Variants in GTPBP1 observed in about 807,000 individuals in gnomAD.
GTPBP1 encodes the protein GTP-binding protein 1.
In GTPBP1, 23 loss-of-function variants were observed where a neutral mutation model predicts 62.0. That is an observed-to-expected ratio of 0.37 (90% CI 0.27 to 0.53). The LOEUF (loss-of-function observed/expected upper bound fraction) is 0.53. GTPBP1 is among the 20% of genes least tolerant of loss of function. The probability of loss-of-function intolerance (pLI) is 0.89; values close to 1 mark genes in which losing one functional copy is unlikely to be tolerated. For synonymous variants in GTPBP1, 344 were observed against 364.4 expected (o/e 0.94, Z 0.64); for missense variants, 640 against 917.3 (o/e 0.70, Z 3.90).
downstream of GTPBP1, chr22:38,741,628 A>C: frequency 5.7e-5 from 85 of 1,501,474 alleles, no homozygotes; most frequent in Non-Finnish European, 7.1e-5. Context: ...AGGGACCCTC[A>C]TGACTAGGAA....
Position 38,721,783 on chromosome 22 carries a change from C to T in GTPBP1, c.876C>T (p.His292=). 1 of 1,613,046 alleles carries T rather than the reference C, an allele frequency of 6.2e-7. No homozygotes were observed. The highest frequency in any genetic ancestry group is 8.5e-7 in the Non-Finnish European group (1 of 1,179,132). ...GCATCGTGGGGATGACCAAAGAACA[C>T]CTGGGCTTGGCACTGGCACTCAATG... ...NAGIVGMTKE[H]LGLALALNVP... The change falls in exon 5 of 12, where the codon CAC becomes CAT. Residue 292 remains histidine, a synonymous_variant. Transcript: ENST00000216044.
downstream of GTPBP1, chr22:38,742,171 G>T: frequency 3.4e-6 from 4 of 1,168,634 alleles, no homozygotes; most frequent in Non-Finnish European, 4.7e-6. Context: ...GAAAAAAAGA[G>T]AAAGGGAGTA....
rs578072997 is a variant in GTPBP1 at position 38,727,430 on chromosome 22, A to G, written c.1537+82A>G. 8.9e-6 allele frequency: 12 copies of G among 1,351,112 alleles called. 1 individual carries two copies. In the South Asian group the frequency reaches 1.8e-4, roughly 21 times the overall value. The allele number at this position is 1,351,112 out of a possible 1,614,324, so 83.7% of individuals were successfully genotyped here. ...GGTGTTCCAGCAACCCAGGCCCCCT[A>G]GTTCCAGCTGCAGCTGGGTGGTAGG... On this transcript the variant is annotated intron_variant, in intron 9 of 11. Transcript: ENST00000216044. The surrounding 1 kb of genome is among the most constrained non-coding windows in gnomAD (Gnocchi z 6.5).
chr22:38,730,258 C>A lies in GTPBP1; in HGVS notation c.1918-354C>A, dbSNP rs1468365518. Among the ~76,000 whole-genome samples the A allele has an allele frequency of 6.6e-6, 1 of 152,240 alleles. No homozygotes were observed. Among genetic ancestry groups the A allele is most frequent in the East Asian group, 1.9e-4 (1 of 5,200 alleles). On this transcript the variant is annotated intron_variant, in intron 11 of 11. Coordinates refer to ENST00000216044, the MANE Select transcript of GTPBP1 (RefSeq NM_004286.5). This position sits in a 1 kb window ranked among gnomAD's most constrained non-coding sequence, Gnocchi z 5.6. ...TTGGAAAAGGAGGCTATGCCTGGAT[C>A]TGTCTGTCCATTCTGTTATCTGTCT...
chr22:38,725,996 C>T lies in GTPBP1; in HGVS notation c.1074-10C>T. The T allele has an allele frequency of 6.2e-7, 1 of 1,613,206 alleles. No homozygotes were observed. On this transcript the variant is annotated splice_polypyrimidine_tract_variant and intron_variant, in intron 6 of 11. Coordinates refer to ENST00000216044, the MANE Select transcript of GTPBP1 (RefSeq NM_004286.5). Reference sequence around the variant, plus strand: ...TCTCCTTTTTTCCTTCCTCTTCTCCCTCTGCTTAGGATGTGCCCGATATTC... The same window carrying T: ...TCTCCTTTTTTCCTTCCTCTTCTCCTTCTGCTTAGGATGTGCCCGATATTC...
At chr22:38,736,452 G>A, downstream of GTPBP1, 2 of 1,324,786 alleles carry the variant, frequency 1.5e-6, no homozygotes, top group South Asian at 2.8e-5. Flanking sequence ...GGTGGGAAGG[G>A]GAGACAGCCT....
downstream of GTPBP1, chr22:38,741,476 T>A (rs1405298457): frequency 1.2e-6 from 2 of 1,613,066 alleles, no homozygotes. Flanking sequence ...AGGCCCTGAG[T>A]GCCGCAAGCC....
At chr22:38,736,646 CAGAT>C (rs747144541), downstream of GTPBP1, 12 of 307,466 alleles carry the variant, frequency 3.9e-5, no homozygotes, top group Non-Finnish European at 7.3e-5. Context: ...TTGTGATCAA[CAGAT>C]AGAACCACCT....
chr22:38,715,306 A>G (rs939179468), intron 2 of GTPBP1, among the ~76,000 whole-genome samples: 4 of 151,894 alleles, frequency 2.6e-5, no homozygotes, highest in Admixed American at 1.3e-4. Context: ...TCCACCTCTC[A>G]TGTAGTCTCC....
At chr22:38,735,204 C>T (rs1175887044), downstream of GTPBP1, 1 of 454,804 alleles carries the variant, frequency 2.2e-6, no homozygotes, top group Non-Finnish European at 4.4e-6. Flanking sequence ...TCCCCCAGCC[C>T]CCACCAACTG....
chr22:38,709,054 G>A (rs2092623031), intron 2 of GTPBP1, 98 bp downstream of exon 2: 7 of 696,992 alleles, frequency 1.0e-5, no homozygotes, highest in Non-Finnish European at 1.3e-5. Context: ...AGGCCAAGAC[G>A]GGTGGATCAC....
downstream of GTPBP1, chr22:38,738,848 G>T: frequency 6.3e-7 from 1 of 1,595,908 alleles, no homozygotes; most frequent in African/African-American, 1.3e-5. This position sits in a 1 kb window ranked among gnomAD's most constrained non-coding sequence, Gnocchi z 6.6. Flanking sequence ...CAGAGCCCCC[G>T]CTGCTGTGCT....
In GTPBP1 at chr22:38,716,399, T is replaced by C. The variant is rs1157789209; in HGVS notation, c.486-253T>C. Among the ~76,000 whole-genome samples, 2 of 152,162 alleles carry C rather than the reference T, an allele frequency of 1.3e-5. No individual in the cohort carries two copies. Among genetic ancestry groups the C allele is most frequent in the Non-Finnish European group, 2.9e-5 (2 of 68,014 alleles). On this transcript the variant is annotated intron_variant, in intron 3 of 11. Transcript: ENST00000216044. This position sits in a 1 kb window ranked among gnomAD's most constrained non-coding sequence, Gnocchi z 5.2. The stretch of plus-strand genomic sequence containing the variant: ...GTGCCTCTGGTAGCCTTGCGGCTCT[T>C]CCTGGCAGCACCCAGAAGCTAGTGG...
downstream of GTPBP1, chr22:38,740,705 A>T: frequency 1.7e-6 from 1 of 578,538 alleles, no homozygotes; most frequent in South Asian, 2.2e-5. The surrounding 1 kb of genome is among the most constrained non-coding windows in gnomAD (Gnocchi z 4.8). Flanking sequence ...ACAAGCATGG[A>T]CATCTGGGGC....
chr22:38,739,023 C>T (rs773530330), downstream of GTPBP1: 4 of 1,577,052 alleles, frequency 2.5e-6, no homozygotes, highest in South Asian at 4.6e-5. The surrounding 1 kb of genome is among the most constrained non-coding windows in gnomAD (Gnocchi z 6.7). Flanking sequence ...TGGGCTCCCG[C>T]ACGGGAGGAG....
At chr22:38,734,974 A>G (rs1269093852), downstream of GTPBP1, 2 of 283,712 alleles carry the variant, frequency 7.0e-6, no homozygotes, top group African/African-American at 4.5e-5. Flanking sequence ...CCAGACCACC[A>G]GACACAGCCG....
chr22:38,710,393 A>C lies in GTPBP1; in HGVS notation c.304+1437A>C, dbSNP rs2092631332. On this transcript the variant is annotated intron_variant, in intron 2 of 11. Transcript: ENST00000216044. ...TTGGAAATGTTGTAAGAGTGACATAAAGAAGAAGGATTTGCTCTCCAGATG... is the reference window on the plus strand; with the variant it reads ...TTGGAAATGTTGTAAGAGTGACATACAGAAGAAGGATTTGCTCTCCAGATG... Among the ~76,000 whole-genome samples, 2 of 152,196 alleles carry C rather than the reference A, an allele frequency of 1.3e-5. 1 individual carries two copies. Among genetic ancestry groups the C allele is most frequent in the South Asian group, 4.1e-4 (2 of 4,834 alleles).
Position 38,724,411 on chromosome 22 carries a change from G to C in GTPBP1, c.1073G>C (p.Arg358Thr). 1 of 1,565,762 alleles carries C rather than the reference G, an allele frequency of 6.4e-7. No individual in the cohort carries two copies. Among genetic ancestry groups the C allele is most frequent in the Non-Finnish European group, 8.8e-7 (1 of 1,135,848 alleles). Residue 358 changes from arginine (R) to threonine (T), a missense_variant and splice_region_variant, in exon 6 of 12, where the codon AGG (arginine) becomes ACG (threonine). Coordinates refer to ENST00000216044, the MANE Select transcript of GTPBP1 (RefSeq NM_004286.5). Reference sequence around the variant, plus strand: ...ACAGCCTCCAACTTCAGCTCTGAAAGGTAACGCGTGGGGAGCGCACACTTC... The same window carrying C: ...ACAGCCTCCAACTTCAGCTCTGAAACGTAACGCGTGGGGAGCGCACACTTC... ...IVTASNFSSE[R>T]MCPIFQISNV...
chr22:38,715,577 G>A (rs577898501), intron 2 of GTPBP1, among the ~76,000 whole-genome samples: 1 of 152,196 alleles, frequency 6.6e-6, no homozygotes, highest in South Asian at 2.1e-4. Context: ...TTAATTTCCT[G>A]TCTGCCTCCC....
Sources: gnomAD v4.1 joint callset for allele counts (sites outside exome capture counted in the v4.1 genomes callset) on GRCh38, gnomAD v4.1.1 for gene constraint, Gnocchi (gnomAD v3.1) non-coding constraint, MANE v1.5 for transcripts, NCBI Gene and HGNC (gene_info 2026-07-23, HGNC 2026-07-21) for gene names.